Variants in RPL38 observed in about 807,000 individuals in gnomAD.
RPL38 encodes large ribosomal subunit protein eL38.
Under a neutral mutation model 12.8 loss-of-function variants are expected in RPL38, and 2 were observed. The ratio of observed to expected loss-of-function variants is 0.16; its 90% confidence interval spans 0.06 to 0.49. The LOEUF is 0.49. RPL38 is among the 20% of genes least tolerant of loss of function. The probability of loss-of-function intolerance (pLI) is 0.96; values close to 1 mark genes in which losing one functional copy is unlikely to be tolerated. For missense variants in RPL38, 52 were observed against 79.8 expected, an observed-to-expected ratio of 0.65 and a Z score of 1.33; for synonymous variants, 42 against 30.1, an observed-to-expected ratio of 1.39 and a Z score of -1.29.
At chr17:74,209,756 A>G (rs780070404) in intron 4 of RPL38, 48 bp from the exon 5 acceptor site, 1 of 1,566,556 alleles carries the variant, frequency 6.4e-7, no homozygotes, top group Non-Finnish European at 8.8e-7. Flanking sequence ...AGCAGCAGCA[A>G]CTCAGATGTG....
chr17:74,207,698 G>T (rs140446785), intron 3 of RPL38, among the ~76,000 whole-genome samples: 1,872 of 151,716 alleles, frequency 0.012, 35 homozygotes, highest in African/African-American at 0.043. Flanking sequence ...GAGAGACGGG[G>T]TTTCTCCATG....
At position 74,209,817 on chromosome 17, in the gene RPL38, G is replaced by A. The variant is rs1384617711; in HGVS notation, c.201G>A (p.Lys67=). Residue 67 remains lysine, a synonymous_variant, in exon 5 of 5, where the codon AAG becomes AAA. Transcript: ENST00000311111. ...CTTTCCCTCTAGGTTTGGCAGTGAA[G>A]GAACTGAAATGAACCAGACACACTG... The part of the protein sequence containing the change: ...KQSLPPGLAV[K]ELK 8 of 1,612,404 alleles carry A rather than the reference G, an allele frequency of 5.0e-6. No individual in the cohort carries two copies. The Admixed American group carries it at 1.3e-4, about 27-fold the overall frequency.
rs2050152177 is a variant in RPL38 at position 74,210,039 on chromosome 17, GCA to G, written c.*213_*214del. ...GTCTTGCTCTGTGGCTCATCCTGGA[GCA>G]CAGTGGTGCGATATCAGCTCACTAC... On this transcript the variant is annotated 3_prime_UTR_variant, in exon 5 of 5. Coordinates refer to ENST00000311111, the MANE Select transcript of RPL38 (RefSeq NM_000999.4). The G allele has an allele frequency of 5.9e-6, 3 of 506,770 alleles. No individual in the cohort carries two copies. The South Asian group carries it at 7.6e-5, about 13-fold the overall frequency. 31.4% of individuals were successfully genotyped at this position (506,770 alleles called of 1,614,324 possible).
chr17:74,205,006 G>A (rs2050099248), intron 3 of RPL38: 1 of 152,240 alleles, frequency 6.6e-6, no homozygotes, highest in Admixed American at 6.5e-5. Flanking sequence ...TTGAAGCAGG[G>A]CTTCTACTGA....
rs1480845813 is a variant in RPL38, at chr17:74,210,430, G to C, written c.*601G>C. 3 of 152,476 alleles carry C rather than the reference G, an allele frequency of 2.0e-5. No homozygotes were observed. The highest frequency in any genetic ancestry group is 2.9e-5 in the Non-Finnish European group (2 of 68,218). 9.4% of individuals were successfully genotyped at this position (152,476 alleles called of 1,614,324 possible). A position where few individuals can be genotyped will look rare whatever the true frequency, so the allele number is the denominator to read the frequency against. ...CCCAAAATGGGTGCAACAAGGTATA[G>C]CACATCTACCACTCGCTAACTTGAC... On this transcript the variant is annotated 3_prime_UTR_variant, in exon 5 of 5. Transcript: ENST00000311111.
intron 3 of RPL38, chr17:74,204,479 C>T: frequency 2.3e-6 from 1 of 442,340 alleles, no homozygotes; most frequent in South Asian, 2.4e-5. Flanking sequence ...GGAATCTCCA[C>T]TCCGCGAAAG....
rs1220246559 is a variant in RPL38 at position 74,209,788 on chromosome 17, GTC to G, written c.188-12_188-11del. The stretch of plus-strand genomic sequence containing the variant: ...TGTGTCTTCTGGATGGCTTACTTTT[GTC>G]TCTTTCCCTCTAGGTTTGGCAGTGA... On this transcript the variant is annotated splice_polypyrimidine_tract_variant and intron_variant, in intron 4 of 4. Transcript: ENST00000311111. 2 of 1,611,834 alleles carry G rather than the reference GTC, an allele frequency of 1.2e-6. No individual in the cohort carries two copies. Among genetic ancestry groups the G allele is most frequent in the African/African-American group, 1.3e-5 (1 of 74,908 alleles).
rs564282380 is a variant in RPL38 at position 74,203,751 on chromosome 17, C to G, written c.-39+6C>G. On this transcript the variant is annotated splice_donor_region_variant and intron_variant, in intron 1 of 4. Coordinates refer to ENST00000311111, the MANE Select transcript of RPL38 (RefSeq NM_000999.4). ...GTGATACGTGGGTGAGAAAGGTAAT[C>G]TGGGGCAATCCACTGCCAGGTGAAA... 1.6e-6 allele frequency: 1 copy of G among 621,930 alleles called. No individual in the cohort carries two copies. The highest frequency in any genetic ancestry group is 1.9e-5 in the African/African-American group (1 of 54,042). 38.5% of individuals were successfully genotyped at this position (621,930 alleles called of 1,614,324 possible). A position where few individuals can be genotyped will look rare whatever the true frequency, so the allele number is the denominator to read the frequency against.
rs1598207667 is a variant in RPL38, at chr17:74,210,552, TGGG to T, written c.*727_*729del. Reference sequence around the variant, plus strand: ...TTGGCTTGCTGTCAGGGTACTGGGATGGGGGGAGGTGCATGGGTTGGGGTGGCC... The same window carrying T: ...TTGGCTTGCTGTCAGGGTACTGGGATGGGAGGTGCATGGGTTGGGGTGGCC... On this transcript the variant is annotated 3_prime_UTR_variant, in exon 5 of 5. Transcript: ENST00000311111. 6.6e-6 allele frequency: 1 copy of T among 152,116 alleles called. No individual in the cohort carries two copies. Among genetic ancestry groups the T allele is most frequent in the Non-Finnish European group, 1.5e-5 (1 of 68,018 alleles). 9.4% of individuals were successfully genotyped at this position (152,116 alleles called of 1,614,324 possible). A position where few individuals can be genotyped will look rare whatever the true frequency, so the allele number is the denominator to read the frequency against.
intron 3 of RPL38, among the ~76,000 whole-genome samples, chr17:74,207,796 G>A (rs141281946): frequency 1.7e-3 from 252 of 152,246 alleles, no homozygotes; most frequent in African/African-American, 5.7e-3. Context: ...GTGAACCACC[G>A]CACCCAACTG....
At chr17:74,209,711 T>G in intron 4 of RPL38, 93 bp from the exon 5 acceptor site, 1 of 1,057,762 alleles carries the variant, frequency 9.5e-7, no homozygotes, top group Admixed American at 1.8e-5. Context: ...CTGAACCTTG[T>G]GTGCTCTCTT....
chr17:74,207,519 C>CT (rs960745898), intron 3 of RPL38, among the ~76,000 whole-genome samples: 220 of 150,956 alleles, frequency 1.5e-3, no homozygotes, highest in African/African-American at 5.1e-3. Context: ...GTTGAGTAAA[C>CT]TTTTTTTTTA....
At chr17:74,206,646 G>A (rs1227033251) in intron 3 of RPL38, among the ~76,000 whole-genome samples, 1 of 150,722 alleles carries the variant, frequency 6.6e-6, no homozygotes, top group African/African-American at 2.4e-5. Context: ...TTGACCTTTT[G>A]TGACTGGCTT....
At chr17:74,203,796 C>A in intron 1 of RPL38, 51 bp downstream of exon 1, 1 of 894,200 alleles carries the variant, frequency 1.1e-6, no homozygotes, top group Non-Finnish European at 1.7e-6. Flanking sequence ...CCCAGGTCCG[C>A]GTGGAGGGTG....
chr17:74,209,963 G>C lies in RPL38; in HGVS notation c.*134G>C, dbSNP rs533661325. The C allele has an allele frequency of 8.2e-6, 5 of 608,874 alleles. 1 individual carries two copies. Among genetic ancestry groups the C allele is most frequent in the Non-Finnish European group, 1.4e-5 (5 of 347,698 alleles). The allele number at this position is 608,874 out of a possible 1,614,324, so 37.7% of individuals were successfully genotyped here. A position where few individuals can be genotyped will look rare whatever the true frequency, so the allele number is the denominator to read the frequency against. On this transcript the variant is annotated 3_prime_UTR_variant, in exon 5 of 5. Coordinates refer to ENST00000311111, the MANE Select transcript of RPL38 (RefSeq NM_000999.4). ...ATGGGAACAGGACGCGGGTTCTGTT[G>C]CTGCCTTCCTGTGTCTTTTTTTTTT...
intron 3 of RPL38, 117 bp downstream of exon 3, chr17:74,204,307 C>A: frequency 3.5e-6 from 3 of 850,386 alleles, no homozygotes; most frequent in Admixed American, 2.2e-5. Flanking sequence ...GTGTGCCTGG[C>A]CCTCTGGGAG....
Position 74,209,978 on chromosome 17 carries a change from CTTTTTTTT to C in RPL38, c.*161_*168del. 2 of 356,272 alleles carry C rather than the reference CTTTTTTTT, an allele frequency of 5.6e-6. No homozygotes were observed. Among genetic ancestry groups the C allele is most frequent in the Non-Finnish European group, 9.9e-6 (2 of 201,850 alleles). 22.1% of individuals were successfully genotyped at this position (356,272 alleles called of 1,614,324 possible). On this transcript the variant is annotated 3_prime_UTR_variant, in exon 5 of 5. Transcript: ENST00000311111. ...GGGTTCTGTTGCTGCCTTCCTGTGT[CTTTTTTTT>C]TTTTTTTTTTTCTTTCTTTGAGACG...
chr17:74,203,926 C>T lies in RPL38; in HGVS notation c.-30C>T. 6.3e-7 allele frequency: 1 copy of T among 1,599,478 alleles called. No homozygotes were observed. The highest frequency in any genetic ancestry group is 8.5e-7 in the Non-Finnish European group (1 of 1,170,478). On this transcript the variant is annotated 5_prime_UTR_variant, in exon 2 of 5. Transcript: ENST00000311111. ...AGGACTGTTTCCCGCAGGTCCTGGTCCGCGCCAGAGCCCAGCGCGCCTCGT... is the reference window on the plus strand; with the variant it reads ...AGGACTGTTTCCCGCAGGTCCTGGTTCGCGCCAGAGCCCAGCGCGCCTCGT...
Position 74,204,159 on chromosome 17 carries a change from C to G in RPL38, c.33C>G (p.Phe11Leu). 2 of 1,614,194 alleles carry G rather than the reference C, an allele frequency of 1.2e-6. No individual in the cohort carries two copies. Among genetic ancestry groups the G allele is most frequent in the Non-Finnish European group, 1.7e-6 (2 of 1,180,044 alleles). Residue 11 changes from phenylalanine to leucine, a missense_variant, in exon 3 of 5, where the codon TTC becomes TTG. Phe to Leu is a conservative substitution (Grantham distance 22). Transcript: ENST00000311111. ...GGAAAATTGAGGAAATCAAGGACTT[C>G]CTGCTCACAGCCCGACGAAAGGATG... The part of the protein sequence containing the change: MPRKIEEIKD[F>L]LLTARRKDAK...
Sources: allele counts gnomAD v4.1 joint callset (sites outside exome capture counted in the v4.1 genomes callset), GRCh38; gene constraint gnomAD v4.1.1; transcripts MANE v1.5; gene names NCBI Gene and HGNC (gene_info 2026-07-23, HGNC 2026-07-21).